FERRY3: variants seen among roughly 807,000 people sequenced by gnomAD.
FERRY3 encodes protein C12orf4.
At chr12:4,516,510 T>C in the FERRY3 span, among the ~76,000 whole-genome samples, 13 of 152,166 alleles carry the variant, frequency 8.5e-5, no homozygotes, top group Non-Finnish European at 1.6e-4. Flanking sequence ...GTGGCACATA[T>C]ACATCATGGA....
At chr12:4,504,046 C>T in the FERRY3 span, among the ~76,000 whole-genome samples, 1 of 152,148 alleles carries the variant, frequency 6.6e-6, no homozygotes, top group Non-Finnish European at 1.5e-5. Flanking sequence ...GTGGAGGAAA[C>T]AGCATGTGGT....
the FERRY3 span, chr12:4,517,257 T>C: frequency 8.0e-4 from 1,081 of 1,353,604 alleles, 5 homozygotes; most frequent in African/African-American, 0.014. Flanking sequence ...TTACTTACAA[T>C]GAGATTTAGT....
chr12:4,518,876 C>A, the FERRY3 span: 1 of 1,561,952 alleles, frequency 6.4e-7, no homozygotes, highest in South Asian at 1.2e-5. Flanking sequence ...ACTTTAATTT[C>A]CTCACTAAAA....
the FERRY3 span, among the ~76,000 whole-genome samples, chr12:4,509,720 A>T: frequency 7.0e-6 from 1 of 142,884 alleles, no homozygotes; most frequent in Admixed American, 6.8e-5. Context: ...ACAAACAGAA[A>T]GGACATCCAC....
At chr12:4,495,994 C>A in the FERRY3 span, among the ~76,000 whole-genome samples, 2 of 152,124 alleles carry the variant, frequency 1.3e-5, no homozygotes, top group African/African-American at 4.8e-5. Context: ...ATTCAGTATA[C>A]TTTAACTTAA....
At chr12:4,529,214 T>A in the FERRY3 span, among the ~76,000 whole-genome samples, 1 of 152,106 alleles carries the variant, frequency 6.6e-6, no homozygotes, top group African/African-American at 2.4e-5. Context: ...AAAAGATAAA[T>A]AATAAAAGCA....
the FERRY3 span, among the ~76,000 whole-genome samples, chr12:4,532,304 T>G: frequency 6.6e-6 from 1 of 152,086 alleles, no homozygotes; most frequent in Non-Finnish European, 1.5e-5. Flanking sequence ...TTATCAGTAC[T>G]GCACACAGCA....
chr12:4,537,335 C>T, the FERRY3 span, among the ~76,000 whole-genome samples: 7 of 152,304 alleles, frequency 4.6e-5, no homozygotes, highest in East Asian at 1.3e-3. Context: ...TCATATTAGC[C>T]TAGACTTATT....
At chr12:4,500,033 A>G in the FERRY3 span, 2 of 1,108,352 alleles carry the variant, frequency 1.8e-6, no homozygotes, top group East Asian at 2.6e-5. Flanking sequence ...GCAAAAATCC[A>G]TTAGTTTAAA....
Sources: allele counts gnomAD v4.1 joint callset (sites outside exome capture counted in the v4.1 genomes callset), GRCh38; gene constraint gnomAD v4.1.1; transcripts MANE v1.5; gene names NCBI Gene and HGNC (gene_info 2026-07-23, HGNC 2026-07-21).